Variants in ABCB7 observed in about 807,000 individuals in gnomAD.
ABCB7 encodes the protein ATP binding cassette subfamily B member 7.
Under a neutral mutation model 54.4 loss-of-function variants are expected in ABCB7, and 7 were observed. That is an observed-to-expected ratio of 0.13 (90% CI 0.07 to 0.24). The LOEUF (loss-of-function observed/expected upper bound fraction) is 0.24, where lower values mean the gene tolerates loss of function less well. Ranked by LOEUF, ABCB7 falls within the 10% of genes least tolerant of loss-of-function variation. The pLI is 1.00. For synonymous variants in ABCB7, 218 were observed against 207.1 expected, an observed-to-expected ratio of 1.05 and a Z score of -0.45; for missense variants, 356 against 570.4, an observed-to-expected ratio of 0.62 and a Z score of 3.83.
Position 75,097,222 on chromosome X carries a change from C to T in ABCB7, c.453+1720G>A, listed in dbSNP as rs1359050642. On this transcript the variant is annotated intron_variant, in intron 4 of 15. Transcript: ENST00000373394. ...CGAATTCTCTGAAACATCTTCCCCTCGCTGGAACCAGGATAGACTACTCAC... is the reference window on the plus strand; with the variant it reads ...CGAATTCTCTGAAACATCTTCCCCTTGCTGGAACCAGGATAGACTACTCAC... 6.3e-5 allele frequency among the ~76,000 whole-genome samples: 7 copies of T among 111,802 alleles called. No homozygotes were observed. The East Asian group carries it at 1.7e-3, about 27-fold the overall frequency.
intron 3 of ABCB7, among the ~76,000 whole-genome samples, chrX:75,105,415 AACT>A (rs1300095234): frequency 9.0e-6 from 1 of 111,369 alleles, no homozygotes; most frequent in Non-Finnish European, 1.9e-5. Flanking sequence ...CATTTACAAT[AACT>A]ACAAGAAAAT....
intron 1 of ABCB7, among the ~76,000 whole-genome samples, chrX:75,117,608 T>C (rs932216079): frequency 3.6e-5 from 4 of 111,257 alleles, no homozygotes; most frequent in Non-Finnish European, 1.9e-5. Flanking sequence ...GAGAACAGGT[T>C]TGGCACTATG....
intron 1 of ABCB7, among the ~76,000 whole-genome samples, chrX:75,116,193 G>C (rs914824034): frequency 3.6e-5 from 4 of 110,974 alleles, no homozygotes; most frequent in African/African-American, 1.3e-4. Flanking sequence ...ATCTACATGA[G>C]AAGAACCTTG....
intron 3 of ABCB7, 120 bp downstream of exon 3, chrX:75,112,766 G>C (rs757464070): frequency 7.8e-6 from 4 of 511,858 alleles, no homozygotes; most frequent in Non-Finnish European, 1.3e-5. Context: ...TTTTTCATTA[G>C]AGAACATGCA....
At chrX:75,107,657 C>A (rs775776888) in intron 3 of ABCB7, among the ~76,000 whole-genome samples, 1 of 111,911 alleles carries the variant, frequency 8.9e-6, no homozygotes, top group East Asian at 2.9e-4. Context: ...ACACTCATCA[C>A]CTGCTAACTG....
intron 12 of ABCB7, among the ~76,000 whole-genome samples, chrX:75,066,046 ATAT>A (rs2081315696): frequency 8.9e-6 from 1 of 112,074 alleles, no homozygotes; most frequent in Non-Finnish European, 1.9e-5. Context: ...TTTGACATTG[ATAT>A]TAAAACAGAA....
intron 4 of ABCB7, among the ~76,000 whole-genome samples, chrX:75,082,434 C>G (rs896845394): frequency 1.8e-5 from 2 of 111,677 alleles, no homozygotes. Flanking sequence ...TTTAAAAGAA[C>G]TGCTAAAGAA....
intron 6 of ABCB7, among the ~76,000 whole-genome samples, chrX:75,075,103 T>G (rs1269754789): frequency 8.9e-6 from 1 of 112,120 alleles, no homozygotes; most frequent in African/African-American, 3.2e-5. Context: ...AAATCTCTGC[T>G]TTAAAAAAAC....
chrX:75,105,751 C>T (rs929582801), intron 3 of ABCB7, among the ~76,000 whole-genome samples: 17 of 111,902 alleles, frequency 1.5e-4, no homozygotes, highest in Non-Finnish European at 3.8e-5. Flanking sequence ...TATCTGACTT[C>T]AAATTATACT....
chrX:75,150,367 A>C (rs2082122244), intron 1 of ABCB7, among the ~76,000 whole-genome samples: 1 of 111,752 alleles, frequency 8.9e-6, no homozygotes, highest in South Asian at 3.7e-4. Context: ...ATTTCAGGAA[A>C]GGAAGGAGAA....
chrX:75,096,090 A>T (rs879010028), intron 4 of ABCB7, among the ~76,000 whole-genome samples: 3 of 112,447 alleles, frequency 2.7e-5, no homozygotes, highest in Admixed American at 9.4e-5. Context: ...AAGTACTTGC[A>T]TTCAACTAAC....
intron 4 of ABCB7, among the ~76,000 whole-genome samples, chrX:75,083,613 G>A (rs1170487699): frequency 3.0e-5 from 3 of 99,539 alleles, no homozygotes; most frequent in African/African-American, 1.4e-4. Flanking sequence ...ATATGCAGAG[G>A]CAAAAAAAAC....
At chrX:75,139,754 C>G (rs1034996662) in intron 1 of ABCB7, among the ~76,000 whole-genome samples, 14 of 111,937 alleles carry the variant, frequency 1.3e-4, no homozygotes, top group African/African-American at 4.5e-4. Flanking sequence ...AATTCCTTTC[C>G]TCCTCAAATG....
intron 1 of ABCB7, among the ~76,000 whole-genome samples, chrX:75,133,887 T>A (rs2081991923): frequency 8.9e-6 from 1 of 111,802 alleles, no homozygotes; most frequent in African/African-American, 3.3e-5. Context: ...CACACTCAAA[T>A]ACATAGACCA....
At chrX:75,113,118 C>A in intron 2 of ABCB7, 146 bp from the exon 3 acceptor site, 1 of 476,073 alleles carries the variant, frequency 2.1e-6, no homozygotes, top group Non-Finnish European at 3.7e-6. Flanking sequence ...AAGCAAAACA[C>A]CTCCACAATT....
chrX:75,115,665 T>A (rs2081810142), intron 1 of ABCB7, among the ~76,000 whole-genome samples: 1 of 108,266 alleles, frequency 9.2e-6, no homozygotes, highest in Non-Finnish European at 1.9e-5. Context: ...ACGGACTCTG[T>A]AAGCCAAAAG....
At chrX:75,115,291 A>AG (rs2081802973) in intron 1 of ABCB7, among the ~76,000 whole-genome samples, 2 of 102,650 alleles carry the variant, frequency 1.9e-5, no homozygotes, top group South Asian at 4.1e-4. Flanking sequence ...AAAAAAAAAA[A>AG]AAAAAAAATG....
chrX:75,082,670 A>T lies in ABCB7; in HGVS notation c.454-6016T>A, dbSNP rs764559965. ...GGTTTACAGTACATCAAGATATATGAAACAATTGTAAATATAAAGGGGGAA... is the reference window on the plus strand; with the variant it reads ...GGTTTACAGTACATCAAGATATATGTAACAATTGTAAATATAAAGGGGGAA... On this transcript the variant is annotated intron_variant, in intron 4 of 15. Transcript: ENST00000373394. 7.1e-5 allele frequency among the ~76,000 whole-genome samples: 8 copies of T among 111,891 alleles called. No homozygotes were observed. In the South Asian group the frequency reaches 3.0e-3, roughly 42 times the overall value.
chrX:75,124,363 A>C (rs1477538645), intron 1 of ABCB7, among the ~76,000 whole-genome samples: 1 of 111,954 alleles, frequency 8.9e-6, no homozygotes, highest in Non-Finnish European at 1.9e-5. Flanking sequence ...TCCTGACAAA[A>C]GTTTTTTTAT....
Sources: allele counts gnomAD v4.1 joint callset (sites outside exome capture counted in the v4.1 genomes callset), GRCh38; gene constraint gnomAD v4.1.1; transcripts MANE v1.5; gene names NCBI Gene and HGNC (gene_info 2026-07-23, HGNC 2026-07-21).